Variants in TSGA10 observed in about 807,000 individuals in gnomAD.
The protein encoded by TSGA10 is testis specific 10.
A neutral mutation model predicts 96.6 loss-of-function variants in TSGA10; 43 were observed. That is an observed-to-expected ratio of 0.44 (90% CI 0.35 to 0.57). The LOEUF is 0.57. Among genes scored for constraint, TSGA10 ranks in the 20% least tolerant of loss-of-function variants. The probability of loss-of-function intolerance (pLI) is 0.01; values close to 1 mark genes in which losing one functional copy is unlikely to be tolerated. For missense variants in TSGA10, 703 were observed against 834.4 expected (o/e 0.84, Z 1.94); for synonymous variants, 229 against 269.9 (o/e 0.85, Z 1.48).
chr2:99,098,438 C>CAAAAAAAAAAAAAAAA (rs59144676), intron 10 of TSGA10, among the ~76,000 whole-genome samples: 3 of 92,606 alleles, frequency 3.2e-5, no homozygotes, highest in Admixed American at 1.1e-4. Context: ...GACTCTGCCT[C>CAAAAAAAAAAAAAAAA]AAAAAAAAAA....
intron 16 of TSGA10, among the ~76,000 whole-genome samples, chr2:99,040,431 C>A (rs2104198629): frequency 6.6e-6 from 1 of 152,136 alleles, no homozygotes; most frequent in South Asian, 2.1e-4. Context: ...AATCAATGTA[C>A]ATAAATCATC....
intron 14 of TSGA10, among the ~76,000 whole-genome samples, chr2:99,071,005 T>A (rs2085900719): frequency 6.6e-6 from 1 of 152,178 alleles, no homozygotes; most frequent in Non-Finnish European, 1.5e-5. Context: ...ACATCTCAGA[T>A]AATTTTTTAT....
At position 99,118,696 on chromosome 2, in the gene TSGA10, A is replaced by G; in HGVS notation, c.-491-10T>C. 3 of 927,586 alleles carry G rather than the reference A, an allele frequency of 3.2e-6. No homozygotes were observed. Among genetic ancestry groups the G allele is most frequent in the Non-Finnish European group, 3.9e-6 (3 of 778,730 alleles). 57.5% of individuals were successfully genotyped at this position (927,586 alleles called of 1,614,324 possible). Reference sequence around the variant, plus strand: ...AAAGGTATCCAAATGCCTTTAAAGGAAAAAAAAAATTAGACCCATTGAACA... The same window carrying G: ...AAAGGTATCCAAATGCCTTTAAAGGGAAAAAAAAATTAGACCCATTGAACA... On this transcript the variant is annotated splice_polypyrimidine_tract_variant and intron_variant, in intron 2 of 20. Coordinates refer to ENST00000393483, the MANE Select transcript of TSGA10 (RefSeq NM_025244.4).
At chr2:99,019,745 C>A (rs1446529804) in intron 18 of TSGA10, among the ~76,000 whole-genome samples, 1 of 152,104 alleles carries the variant, frequency 6.6e-6, no homozygotes, top group Non-Finnish European at 1.5e-5. Flanking sequence ...GGAGGCAATT[C>A]CACCCAATTC....
intron 16 of TSGA10, among the ~76,000 whole-genome samples, chr2:99,037,851 AAAAT>A (rs1347588986): frequency 6.6e-6 from 1 of 152,064 alleles, no homozygotes; most frequent in Non-Finnish European, 1.5e-5. Flanking sequence ...CTCCATCTCA[AAAAT>A]AAATAAATAA....
chr2:99,146,357 G>C lies in TSGA10; in HGVS notation c.-621+8336C>G, dbSNP rs1574762783. ...TTTCTTTTTCCTTGCTAATTTCTAG[G>C]TGTTCTCTTTTTATTCCAGCCATTA... On this transcript the variant is annotated intron_variant, in intron 1 of 20. Transcript: ENST00000393483. Among the ~76,000 whole-genome samples the C allele has an allele frequency of 2.6e-5, 4 of 152,100 alleles. No homozygotes were observed. The East Asian group carries it at 5.8e-4, about 22-fold the overall frequency.
chr2:99,005,812 C>G (rs1404340555), intron 20 of TSGA10, among the ~76,000 whole-genome samples: 3 of 151,896 alleles, frequency 2.0e-5, no homozygotes, highest in Non-Finnish European at 2.9e-5. Flanking sequence ...CATATGGAAC[C>G]AAAAAAGAGC....
chr2:99,105,715 G>C lies in TSGA10; in HGVS notation c.211-18C>G. 6.3e-7 allele frequency: 1 copy of C among 1,575,348 alleles called. No homozygotes were observed. The highest frequency in any genetic ancestry group is 2.3e-5 in the East Asian group (1 of 43,994). On this transcript the variant is annotated intron_variant, in intron 7 of 20. Coordinates refer to ENST00000393483, the MANE Select transcript of TSGA10 (RefSeq NM_025244.4). ...TCCTGTGCCTATTATTTAAATCATAGACTTTGGTTGAACAAGCTTTAGAAC... is the reference window on the plus strand; with the variant it reads ...TCCTGTGCCTATTATTTAAATCATACACTTTGGTTGAACAAGCTTTAGAAC...
chr2:99,144,273 G>A (rs577934284), intron 1 of TSGA10, among the ~76,000 whole-genome samples: 25 of 151,638 alleles, frequency 1.6e-4, no homozygotes, highest in African/African-American at 5.3e-4. Flanking sequence ...TGCCCGCCTC[G>A]GCCTCCCAAA....
intron 16 of TSGA10, among the ~76,000 whole-genome samples, chr2:99,063,084 T>C (rs1474382525): frequency 6.6e-6 from 1 of 152,176 alleles, no homozygotes; most frequent in African/African-American, 2.4e-5. Context: ...GAGCAGAATG[T>C]ATGGGAACTT....
rs909898059 is a variant in TSGA10 at position 99,141,362 on chromosome 2, C to T, written c.-621+13331G>A. 1.4e-4 allele frequency: 27 copies of T among 195,830 alleles called. 1 individual carries two copies. In the South Asian group the frequency reaches 1.5e-3, roughly 11 times the overall value. 12.1% of individuals were successfully genotyped at this position (195,830 alleles called of 1,614,324 possible). A position where few individuals can be genotyped will look rare whatever the true frequency, so the allele number is the denominator to read the frequency against. ...TCTGTACCGGAGTGGGGCTCGTCTTCCACCTCCCCGGCGCCCCAGCTTTGC... is the reference window on the plus strand; with the variant it reads ...TCTGTACCGGAGTGGGGCTCGTCTTTCACCTCCCCGGCGCCCCAGCTTTGC... On this transcript the variant is annotated intron_variant, in intron 1 of 20. Coordinates refer to ENST00000393483, the MANE Select transcript of TSGA10 (RefSeq NM_025244.4).
At chr2:99,099,187 CT>C (rs1330276912) in intron 10 of TSGA10, among the ~76,000 whole-genome samples, 1 of 152,168 alleles carries the variant, frequency 6.6e-6, no homozygotes, top group East Asian at 1.9e-4. Flanking sequence ...TGGCGCGTGC[CT>C]GTAATCCCAG....
intron 2 of TSGA10, among the ~76,000 whole-genome samples, chr2:99,124,254 T>C (rs1335141861): frequency 6.6e-6 from 1 of 152,220 alleles, no homozygotes; most frequent in Non-Finnish European, 1.5e-5. Flanking sequence ...TTTATTGACA[T>C]TTGTATATCT....
chr2:99,036,928 A>G (rs901298998), intron 16 of TSGA10, among the ~76,000 whole-genome samples: 28 of 152,188 alleles, frequency 1.8e-4, no homozygotes, highest in Admixed American at 9.2e-4. Flanking sequence ...AGACATAACA[A>G]TCCTTAATGT....
intron 1 of TSGA10, among the ~76,000 whole-genome samples, chr2:99,134,386 T>C (rs1450041172): frequency 2.0e-5 from 3 of 152,134 alleles, no homozygotes; most frequent in Non-Finnish European, 2.9e-5. Context: ...TTGATACTTG[T>C]GTATGCTTCA....
chr2:99,073,780 C>T (rs80335960), intron 12 of TSGA10, among the ~76,000 whole-genome samples: 3,758 of 151,992 alleles, frequency 0.025, 174 homozygotes, highest in East Asian at 0.18. Flanking sequence ...AATACCATTC[C>T]CACACCTCTT....
At chr2:99,086,093 GA>G (rs931581139) in intron 10 of TSGA10, among the ~76,000 whole-genome samples, 8 of 151,908 alleles carry the variant, frequency 5.3e-5, no homozygotes, top group African/African-American at 1.9e-4. Context: ...CCTGAGTGAT[GA>G]AATATTCTGT....
In TSGA10 at chr2:98,998,089, T is replaced by C. The variant is rs542095893; in HGVS notation, c.*108A>G. The stretch of plus-strand genomic sequence containing the variant: ...CAGAGACACAAAGTTAATAAATACA[T>C]TTAACATTGCCAAGCATTTAAAAGA... On this transcript the variant is annotated 3_prime_UTR_variant, in exon 21 of 21. Coordinates refer to ENST00000393483, the MANE Select transcript of TSGA10 (RefSeq NM_025244.4). The C allele has an allele frequency of 1.3e-4, 122 of 946,100 alleles. No individual in the cohort carries two copies. Among genetic ancestry groups the C allele is most frequent in the Admixed American group, 4.7e-4 (20 of 42,202 alleles). 58.6% of individuals were successfully genotyped at this position (946,100 alleles called of 1,614,324 possible).
At chr2:99,139,625 G>GT (rs1294976750) in intron 1 of TSGA10, among the ~76,000 whole-genome samples, 1 of 152,028 alleles carries the variant, frequency 6.6e-6, no homozygotes, top group Non-Finnish European at 1.5e-5. Flanking sequence ...TTCTGAGAGA[G>GT]TATTTTATAT....
Sources: allele counts gnomAD v4.1 joint callset (sites outside exome capture counted in the v4.1 genomes callset), GRCh38; gene constraint gnomAD v4.1.1; transcripts MANE v1.5; gene names NCBI Gene and HGNC (gene_info 2026-07-23, HGNC 2026-07-21).